Variants in NAPG observed in about 807,000 individuals in gnomAD.
NAPG encodes NSF attachment protein gamma, also known as gamma-soluble NSF attachment protein.
A neutral mutation model predicts 48.4 loss-of-function variants in NAPG; 25 were observed. That is an observed-to-expected ratio of 0.52 (90% CI 0.38 to 0.72). The LOEUF is 0.72. Ranked by LOEUF, NAPG falls within the 30% of genes least tolerant of loss-of-function variation. The pLI is 0.00. For synonymous variants in NAPG, 139 were observed against 127.2 expected (o/e 1.09, Z -0.62); for missense variants, 359 against 372.5 (o/e 0.96, Z 0.30).
At chr18:10,545,053 T>C (rs1465200941) in intron 8 of NAPG, among the ~76,000 whole-genome samples, 1 of 152,136 alleles carries the variant, frequency 6.6e-6, no homozygotes, top group African/African-American at 2.4e-5. Context: ...GGCTCACGTC[T>C]ATAATCCCAG....
At chr18:10,526,237 GGCGGGAGGGA>G in intron 1 of NAPG, 79 bp downstream of exon 1, 1 of 878,374 alleles carries the variant, frequency 1.1e-6, no homozygotes. Context: ...ACCCGGGGGG[GGCGGGAGGGA>G]GGGCTCAGGG....
intron 4 of NAPG, among the ~76,000 whole-genome samples, chr18:10,533,772 T>C (rs1380607430): frequency 6.6e-6 from 1 of 151,422 alleles, no homozygotes; most frequent in Non-Finnish European, 1.5e-5. Context: ...AATATTTTAT[T>C]AGGAGCATTT....
chr18:10,543,444 C>T lies in NAPG; in HGVS notation c.507-2882C>T, dbSNP rs1054070903. Reference sequence around the variant, plus strand: ...GTTCTGTCCATGGTGCCATCAATAACTGAGATAAGGAATATAGAAACAAAC... The same window carrying T: ...GTTCTGTCCATGGTGCCATCAATAATTGAGATAAGGAATATAGAAACAAAC... On this transcript the variant is annotated intron_variant, in intron 8 of 11. Transcript: ENST00000322897. This position sits in a 1 kb window ranked among gnomAD's most constrained non-coding sequence, Gnocchi z 4.4. Among the ~76,000 whole-genome samples the T allele has an allele frequency of 1.3e-5, 2 of 152,164 alleles. No individual in the cohort carries two copies. Among genetic ancestry groups the T allele is most frequent in the African/African-American group, 4.8e-5 (2 of 41,446 alleles).
intron 3 of NAPG, 125 bp downstream of exon 3, chr18:10,532,920 A>C: frequency 1.2e-6 from 1 of 850,866 alleles, no homozygotes; most frequent in Non-Finnish European, 1.8e-6. Context: ...AAATGATTAG[A>C]AAAATTCTGT....
In NAPG at chr18:10,540,433, CTA is replaced by C. The variant is rs753420463; in HGVS notation, c.506+37_506+38del. 2.6e-6 allele frequency: 4 copies of C among 1,566,742 alleles called. No individual in the cohort carries two copies. The South Asian group carries it at 3.4e-5, about 13-fold the overall frequency. On this transcript the variant is annotated intron_variant, in intron 8 of 11. Coordinates refer to ENST00000322897, the MANE Select transcript of NAPG (RefSeq NM_003826.3). ...TTAAAAACTATTGCTGTGTGTTTAA[CTA>C]TACTTTGAATCCACATTTGGAACTG...
chr18:10,532,572 A>G (rs2031949040), intron 2 of NAPG, 139 bp from the exon 3 acceptor site: 1 of 539,970 alleles, frequency 1.9e-6, no homozygotes. Flanking sequence ...AGAAAAAAGT[A>G]ATATTTTATA....
Position 10,550,118 on chromosome 18 carries a change from A to G in NAPG, c.837A>G (p.Gly279=). 6.3e-7 allele frequency: 1 copy of G among 1,575,204 alleles called. No individual in the cohort carries two copies. The highest frequency in any genetic ancestry group is 8.6e-7 in the Non-Finnish European group (1 of 1,164,264). The change falls in exon 12 of 12, where the codon GGA becomes GGG. Residue 279 remains glycine (G), a synonymous_variant. Coordinates refer to ENST00000322897, the MANE Select transcript of NAPG (RefSeq NM_003826.3). ...LGLSLVVPGG[G]IKKKSPATPQ... is the part of the protein sequence containing the mutation. Reference sequence around the variant, plus strand: ...TGAGTTTGGTGGTTCCAGGAGGGGGAATCAAGAAGAAATCACCTGCAACAC... The same window carrying G: ...TGAGTTTGGTGGTTCCAGGAGGGGGGATCAAGAAGAAATCACCTGCAACAC...
chr18:10,545,756 A>AGAAT (rs1293271664), intron 8 of NAPG, among the ~76,000 whole-genome samples: 3 of 152,358 alleles, frequency 2.0e-5, no homozygotes, highest in Admixed American at 2.0e-4. Context: ...GAAGAAAAGG[A>AGAAT]GAATGTATGA....
rs1476417570 is a variant in NAPG, at chr18:10,543,291, AGCT to A, written c.506+2896_506+2898del. 6.6e-6 allele frequency among the ~76,000 whole-genome samples: 1 copy of A among 152,170 alleles called. No homozygotes were observed. The highest frequency in any genetic ancestry group is 1.5e-5 in the Non-Finnish European group (1 of 68,044). On this transcript the variant is annotated intron_variant, in intron 8 of 11. Coordinates refer to ENST00000322897, the MANE Select transcript of NAPG (RefSeq NM_003826.3). This position sits in a 1 kb window ranked among gnomAD's most constrained non-coding sequence, Gnocchi z 4.4. ...AGAAGACTCACTTAGCAAAGAAAAG[AGCT>A]GCTTCTCACCAGTTGTCTGAGACAG...
rs541246155 is a variant in NAPG, at chr18:10,542,105, C to A, written c.506+1706C>A. Among the ~76,000 whole-genome samples, 4 of 152,266 alleles carry A rather than the reference C, an allele frequency of 2.6e-5. No individual in the cohort carries two copies. In the East Asian group the frequency reaches 7.7e-4, roughly 29 times the overall value. On this transcript the variant is annotated intron_variant, in intron 8 of 11. Coordinates refer to ENST00000322897, the MANE Select transcript of NAPG (RefSeq NM_003826.3). The surrounding 1 kb of genome is among the most constrained non-coding windows in gnomAD (Gnocchi z 4.5). ...AAAGCAATTACTGTGTTAAATTCTT[C>A]AAAGCCTCAGCAGAGGGGAGAATGC...
rs2032360408 is a variant in NAPG at position 10,550,244 on chromosome 18, G to A, written c.*24G>A. The A allele has an allele frequency of 6.4e-7, 1 of 1,561,872 alleles. No homozygotes were observed. The highest frequency in any genetic ancestry group is 8.6e-7 in the Non-Finnish European group (1 of 1,158,632). The stretch of plus-strand genomic sequence containing the variant: ...AGTATTTTGCTTGCTGAAAAGAAAA[G>A]GGAAACAAAGGTAAAATCCTGACAT... On this transcript the variant is annotated 3_prime_UTR_variant, in exon 12 of 12. Coordinates refer to ENST00000322897, the MANE Select transcript of NAPG (RefSeq NM_003826.3).
At chr18:10,545,921 C>G (rs555446) in intron 8 of NAPG, among the ~76,000 whole-genome samples, 79,731 of 151,984 alleles carry the variant, frequency 0.52, 21,491 homozygotes, top group African/African-American at 0.65. Context: ...GGGACACAGT[C>G]GGGGGAAGGC....
intron 8 of NAPG, among the ~76,000 whole-genome samples, chr18:10,541,173 G>C (rs564889657): frequency 1.1e-4 from 17 of 151,974 alleles, no homozygotes; most frequent in Non-Finnish European, 2.1e-4. Context: ...AATTTAAACC[G>C]GTCTAGAGTA....
At chr18:10,537,062 T>C (rs2032050359) in intron 5 of NAPG, among the ~76,000 whole-genome samples, 1 of 151,850 alleles carries the variant, frequency 6.6e-6, no homozygotes, top group Admixed American at 6.6e-5. Flanking sequence ...GCTCAGGCGA[T>C]CCTCCCACCT....
chr18:10,551,578 G>C lies in NAPG; in HGVS notation c.*1358G>C, dbSNP rs2032395091. 1 of 152,220 alleles carries C rather than the reference G, an allele frequency of 6.6e-6. No homozygotes were observed. Among genetic ancestry groups the C allele is most frequent in the South Asian group, 2.1e-4 (1 of 4,830 alleles). 9.4% of individuals were successfully genotyped at this position (152,220 alleles called of 1,614,324 possible). A position where few individuals can be genotyped will look rare whatever the true frequency, so the allele number is the denominator to read the frequency against. On this transcript the variant is annotated 3_prime_UTR_variant, in exon 12 of 12. Transcript: ENST00000322897. The stretch of plus-strand genomic sequence containing the variant: ...TGGAAAGAGGCTACAGACACCAGCA[G>C]TGTGCGTTCTGCAGGTACACGCTGC...
chr18:10,546,490 G>T lies in NAPG; in HGVS notation c.585+86G>T. 1.4e-6 allele frequency: 1 copy of T among 734,126 alleles called. No homozygotes were observed. The highest frequency in any genetic ancestry group is 2.1e-6 in the Non-Finnish European group (1 of 472,528). The allele number at this position is 734,126 out of a possible 1,614,324, so 45.5% of individuals were successfully genotyped here. ...ATAAGTACTTAAGAAAGGATTCTAT[G>T]GGTATTTCTATGTTTTTGTAAAATA... On this transcript the variant is annotated intron_variant, in intron 9 of 11. Transcript: ENST00000322897. This position sits in a 1 kb window ranked among gnomAD's most constrained non-coding sequence, Gnocchi z 4.0.
chr18:10,545,763 A>G (rs1424882625), intron 8 of NAPG, among the ~76,000 whole-genome samples: 2 of 152,242 alleles, frequency 1.3e-5, no homozygotes, highest in Non-Finnish European at 2.9e-5. Context: ...AGGAGAATGT[A>G]TGAGGGTCAA....
chr18:10,549,387 C>T (rs939719495), intron 11 of NAPG, among the ~76,000 whole-genome samples: 19 of 152,120 alleles, frequency 1.2e-4, no homozygotes, highest in Admixed American at 6.5e-4. Context: ...ATCTGTTGTC[C>T]TCTGTAGGTT....
Position 10,526,124 on chromosome 18 carries a change from G to C in NAPG, c.22G>C (p.Glu8Gln). 6.2e-7 allele frequency: 1 copy of C among 1,613,734 alleles called. No individual in the cohort carries two copies. The highest frequency in any genetic ancestry group is 8.5e-7 in the Non-Finnish European group (1 of 1,179,718). ...GGAGATGGCGGCTCAGAAGATAAAC[G>C]AGGGGCTGGAACACCTCGCCAAAGC... MAAQKIN[E>Q]GLEHLAKAEK... Residue 8 changes from glutamate to glutamine, a missense_variant, in exon 1 of 12, where the codon GAG becomes CAG. Transcript: ENST00000322897.
Sources: allele counts gnomAD v4.1 joint callset (sites outside exome capture counted in the v4.1 genomes callset), GRCh38; gene constraint gnomAD v4.1.1; non-coding constraint Gnocchi (gnomAD v3.1); transcripts MANE v1.5; gene names NCBI Gene and HGNC (gene_info 2026-07-23, HGNC 2026-07-21).